Variants in DNAL1 observed in about 807,000 individuals in gnomAD.
The protein encoded by DNAL1 is chromosome 14 open reading frame 168.
A neutral mutation model predicts 29.4 loss-of-function variants in DNAL1; 17 were observed. The ratio of observed to expected loss-of-function variants is 0.58; its 90% CI spans 0.40 to 0.87. The LOEUF (loss-of-function observed/expected upper bound fraction) is 0.87. Among genes scored for constraint, DNAL1 ranks in the 40% least tolerant of loss-of-function variants. DNAL1 has a pLI of 0.00. For synonymous variants in DNAL1, 78 were observed against 76.3 expected, an observed-to-expected ratio of 1.02 and a Z score of -0.12; for missense variants, 188 against 214.1, an observed-to-expected ratio of 0.88 and a Z score of 0.76.
intron 6 of DNAL1, 100 bp downstream of exon 6, chr14:73,687,485 CAG>C: frequency 9.0e-6 from 12 of 1,329,140 alleles, no homozygotes; most frequent in Non-Finnish European, 1.1e-5. Context: ...TTTCTAAGCA[CAG>C]AGAGAAAGTG....
In DNAL1 at chr14:73,697,092, A is replaced by G. The variant is rs527409796; in HGVS notation, c.*1150A>G. ...GCAATAGTTAGATGCAGAGGTTAGA[A>G]TTTATCATGTAAACAAAAAATCCTT... is the stretch of plus-strand genomic sequence containing the variant. On this transcript the variant is annotated 3_prime_UTR_variant, in exon 8 of 8. Transcript: ENST00000553645. 23 of 152,350 alleles carry G rather than the reference A, an allele frequency of 1.5e-4. No homozygotes were observed. Among genetic ancestry groups the G allele is most frequent in the African/African-American group, 5.3e-4 (22 of 41,574 alleles). 9.4% of individuals were successfully genotyped at this position (152,350 alleles called of 1,614,324 possible).
chr14:73,669,259 C>T (rs985366431), intron 4 of DNAL1, among the ~76,000 whole-genome samples: 1 of 152,126 alleles, frequency 6.6e-6, no homozygotes, highest in African/African-American at 2.4e-5. Flanking sequence ...GCTAGGCTTA[C>T]AGGCATGTGC....
chr14:73,690,226 T>C (rs1892138548), intron 7 of DNAL1, among the ~76,000 whole-genome samples: 1 of 152,062 alleles, frequency 6.6e-6, no homozygotes, highest in South Asian at 2.1e-4. Context: ...ATTGTATATT[T>C]ATTTTTTCCT....
At chr14:73,692,100 TG>T (rs1373485275) in intron 7 of DNAL1, among the ~76,000 whole-genome samples, 1 of 149,618 alleles carries the variant, frequency 6.7e-6, no homozygotes, top group Admixed American at 6.7e-5. Context: ...CAAGTTCAAG[TG>T]GTTCTCCTGC....
At chr14:73,665,221 T>C (rs1287618175) in intron 4 of DNAL1, among the ~76,000 whole-genome samples, 1 of 152,136 alleles carries the variant, frequency 6.6e-6, no homozygotes, top group Non-Finnish European at 1.5e-5. Context: ...TTACTCAAAG[T>C]TGGCATTCAG....
intron 6 of DNAL1, among the ~76,000 whole-genome samples, chr14:73,688,295 G>A (rs1235553783): frequency 6.6e-6 from 1 of 152,174 alleles, no homozygotes; most frequent in African/African-American, 2.4e-5. Flanking sequence ...AAATTAGTTT[G>A]TAAGCTGATA....
chr14:73,683,683 T>TA lies in DNAL1; in HGVS notation c.265-3576_265-3575insA, dbSNP rs1167180256. On this transcript the variant is annotated intron_variant, in intron 5 of 7. Coordinates refer to ENST00000553645, the MANE Select transcript of DNAL1 (RefSeq NM_031427.4). ...CTCTCTACTTCCATGAGATCAGCTT[T>TA]TTTTATTTATTTATTTATTATTATT... 7.7e-3 allele frequency among the ~76,000 whole-genome samples: 1,165 copies of TA among 150,736 alleles called. 21 individuals carry two copies. Among genetic ancestry groups the TA allele is most frequent in the African/African-American group, 0.027 (1,105 of 40,540 alleles).
chr14:73,682,907 G>A (rs945042370), intron 5 of DNAL1, among the ~76,000 whole-genome samples: 24 of 119,162 alleles, frequency 2.0e-4, no homozygotes, highest in Non-Finnish European at 2.7e-4. Context: ...TTGGAGTTTC[G>A]CTCTTGTTGC....
chr14:73,668,528 A>G (rs887755795), intron 4 of DNAL1, among the ~76,000 whole-genome samples: 2 of 152,186 alleles, frequency 1.3e-5, no homozygotes, highest in African/African-American at 4.8e-5. Context: ...AGGTTGCTGT[A>G]ACAAAGTCCC....
rs1892295858 is a variant in DNAL1, at chr14:73,696,127, C to T, written c.*185C>T. On this transcript the variant is annotated 3_prime_UTR_variant, in exon 8 of 8. Transcript: ENST00000553645. Reference sequence around the variant, plus strand: ...GTGTTTCTCCCCAAAACTGGTAATGCCAACCTTATATATCCTATTTCTCTT... The same window carrying T: ...GTGTTTCTCCCCAAAACTGGTAATGTCAACCTTATATATCCTATTTCTCTT... 8.6e-6 allele frequency: 5 copies of T among 584,352 alleles called. No homozygotes were observed. Among genetic ancestry groups the T allele is most frequent in the African/African-American group, 7.7e-5 (4 of 52,084 alleles). 36.2% of individuals were successfully genotyped at this position (584,352 alleles called of 1,614,324 possible). A position where few individuals can be genotyped will look rare whatever the true frequency, so the allele number is the denominator to read the frequency against.
intron 1 of DNAL1, among the ~76,000 whole-genome samples, chr14:73,649,589 G>T (rs1260435549): frequency 6.6e-6 from 1 of 152,124 alleles, no homozygotes; most frequent in Non-Finnish European, 1.5e-5. Flanking sequence ...GGCTGTTTGA[G>T]ATTTCTAAAG....
At chr14:73,667,865 A>G (rs1891525396) in intron 4 of DNAL1, among the ~76,000 whole-genome samples, 1 of 152,158 alleles carries the variant, frequency 6.6e-6, no homozygotes, top group African/African-American at 2.4e-5. Flanking sequence ...CCTCTTGGCA[A>G]TTTCTTGACT....
intron 7 of DNAL1, among the ~76,000 whole-genome samples, chr14:73,693,702 CCT>C (rs1276248785): frequency 6.6e-6 from 1 of 151,990 alleles, no homozygotes; most frequent in Non-Finnish European, 1.5e-5. Flanking sequence ...TAGAGCAAGA[CCT>C]TGTCTTTAAA....
Position 73,683,657 on chromosome 14 carries a change from G to A in DNAL1, c.265-3602G>A, listed in dbSNP as rs149857262. ...TCCAGTCTCTGGTAACTACTGTTCT[G>A]CTCTCTACTTCCATGAGATCAGCTT... On this transcript the variant is annotated intron_variant, in intron 5 of 7. Transcript: ENST00000553645. Among the ~76,000 whole-genome samples, 1,185 of 139,164 alleles carry A rather than the reference G, an allele frequency of 8.5e-3. 22 individuals are homozygous for A. The highest frequency in any genetic ancestry group is 0.031 in the African/African-American group (1,122 of 35,986). 91.3% of individuals were successfully genotyped at this position (139,164 alleles called of 152,430 possible).
chr14:73,665,149 A>G (rs1891447934), intron 4 of DNAL1, among the ~76,000 whole-genome samples: 1 of 152,162 alleles, frequency 6.6e-6, no homozygotes, highest in Non-Finnish European at 1.5e-5. Context: ...GAATTCCTTG[A>G]GGAAAAGCAT....
intron 4 of DNAL1, among the ~76,000 whole-genome samples, chr14:73,668,675 CCTCT>C (rs915145647): frequency 1.3e-5 from 2 of 151,710 alleles, no homozygotes; most frequent in African/African-American, 4.8e-5. Context: ...CCGTCTTCTC[CCTCT>C]GTCTCTTTTT....
chr14:73,661,753 A>G (rs895245985), intron 3 of DNAL1, among the ~76,000 whole-genome samples: 5 of 152,152 alleles, frequency 3.3e-5, no homozygotes, highest in Admixed American at 2.6e-4. Flanking sequence ...TTAAGAAGAA[A>G]AAAAAATTGT....
chr14:73,683,987 G>A (rs953691144), intron 5 of DNAL1, among the ~76,000 whole-genome samples: 6 of 152,092 alleles, frequency 3.9e-5, no homozygotes, highest in South Asian at 2.1e-4. Flanking sequence ...GATTACAGGC[G>A]TGAGCCACCG....
rs1892477179 is a variant in DNAL1 at position 73,703,144 on chromosome 14, C to G, written c.*7202C>G. On this transcript the variant is annotated 3_prime_UTR_variant, in exon 8 of 8. Coordinates refer to ENST00000553645, the MANE Select transcript of DNAL1 (RefSeq NM_031427.4). ...ACAAATTTCAATTTCTGAGTTTATACAAAGAAAGCCTTAATTCAGATCATA... is the reference window on the plus strand; with the variant it reads ...ACAAATTTCAATTTCTGAGTTTATAGAAAGAAAGCCTTAATTCAGATCATA... The G allele has an allele frequency of 6.6e-6, 1 of 151,936 alleles. No homozygotes were observed. Among genetic ancestry groups the G allele is most frequent in the Non-Finnish European group, 1.5e-5 (1 of 67,976 alleles). 9.4% of individuals were successfully genotyped at this position (151,936 alleles called of 1,614,324 possible).
Sources: allele counts gnomAD v4.1 joint callset (sites outside exome capture counted in the v4.1 genomes callset), GRCh38; gene constraint gnomAD v4.1.1; transcripts MANE v1.5; gene names NCBI Gene and HGNC (gene_info 2026-07-23, HGNC 2026-07-21).